Variants in SPATS1 observed in about 807,000 individuals in gnomAD.
The protein encoded by SPATS1 is spermatogenesis associated serine rich 1.
Under a neutral mutation model 33.6 loss-of-function variants are expected in SPATS1, and 23 were observed. The ratio of observed to expected loss-of-function variants is 0.68; its 90% CI spans 0.49 to 0.97. The LOEUF (loss-of-function observed/expected upper bound fraction) is 0.97, where lower values mean the gene tolerates loss of function less well. Ranked by LOEUF, SPATS1 falls within the 50% of genes least tolerant of loss-of-function variation. The pLI, the probability that SPATS1 is intolerant of heterozygous loss-of-function variation, is 0.00. For missense variants in SPATS1, 327 were observed against 361.0 expected, an observed-to-expected ratio of 0.91 and a Z score of 0.76; for synonymous variants, 131 against 125.6, an observed-to-expected ratio of 1.04 and a Z score of -0.29.
At chr6:44,346,817 C>A (rs895488346) in intron 2 of SPATS1, among the ~76,000 whole-genome samples, 3 of 152,110 alleles carry the variant, frequency 2.0e-5, no homozygotes, top group Non-Finnish European at 2.9e-5. Flanking sequence ...GACAGTGTGG[C>A]AATTCCTCAA....
chr6:44,352,711 A>G lies in SPATS1; in HGVS notation c.140-15A>G, dbSNP rs763191471. ...TTCAATAATGTAATTAAATGGTGAT[A>G]TCTCTGTGTTACAGGTGCTAATTGC... On this transcript the variant is annotated splice_polypyrimidine_tract_variant and intron_variant, in intron 2 of 8. Transcript: ENST00000674044. 9 of 1,611,988 alleles carry G rather than the reference A, an allele frequency of 5.6e-6. 1 individual carries two copies. In the South Asian group the frequency reaches 9.9e-5, roughly 18 times the overall value.
intron 6 of SPATS1, 77 bp from the exon 7 acceptor site, chr6:44,369,974 T>C: frequency 3.1e-6 from 3 of 962,576 alleles, no homozygotes. Flanking sequence ...CAGGACATTC[T>C]ATTGAATACA....
At chr6:44,351,240 C>T (rs1561954975) in intron 2 of SPATS1, among the ~76,000 whole-genome samples, 1 of 151,200 alleles carries the variant, frequency 6.6e-6, no homozygotes, top group East Asian at 1.9e-4. Flanking sequence ...TTAGGTATTA[C>T]AAGTAATCTA....
chr6:44,377,085 A>G lies in SPATS1; in HGVS notation c.*22A>G, dbSNP rs553320721. On this transcript the variant is annotated 3_prime_UTR_variant, in exon 9 of 9. Coordinates refer to ENST00000674044, the MANE Select transcript of SPATS1 (RefSeq NM_001372081.1). ...CTGAGCATAAACAGGCCCACAAAAC[A>G]TGTGCTGACTGCACTCTGGCGACCC... The G allele has an allele frequency of 1.9e-6, 3 of 1,614,078 alleles. No individual in the cohort carries two copies. The highest frequency in any genetic ancestry group is 3.3e-5 in the Admixed American group (2 of 60,010).
chr6:44,357,607 C>G (rs1788670014), intron 3 of SPATS1, among the ~76,000 whole-genome samples: 1 of 152,264 alleles, frequency 6.6e-6, no homozygotes, highest in East Asian at 1.9e-4. Flanking sequence ...GTCTTGAACT[C>G]CTGACCTCAG....
intron 4 of SPATS1, 135 bp downstream of exon 4, chr6:44,360,705 C>T (rs1013014604): frequency 9.1e-7 from 1 of 1,104,792 alleles, no homozygotes; most frequent in Non-Finnish European, 1.3e-6. Context: ...TTCACAAAAC[C>T]TCTGCCAGGA....
intron 7 of SPATS1, among the ~76,000 whole-genome samples, chr6:44,373,825 T>A (rs1240610581): frequency 1.3e-5 from 2 of 152,212 alleles, no homozygotes; most frequent in East Asian, 3.8e-4. Flanking sequence ...TCAGCAGACA[T>A]CCTTTGAGTA....
At chr6:44,370,982 T>TTG (rs1230299142) in intron 7 of SPATS1, among the ~76,000 whole-genome samples, 3 of 151,588 alleles carry the variant, frequency 2.0e-5, no homozygotes, top group East Asian at 1.9e-4. Context: ...AAGAAAGGTT[T>TTG]TTTTTTTTTT....
At chr6:44,360,005 A>G (rs999883865) in intron 3 of SPATS1, among the ~76,000 whole-genome samples, 2 of 152,236 alleles carry the variant, frequency 1.3e-5, no homozygotes, top group African/African-American at 2.4e-5. Context: ...TGCAAAGAAC[A>G]TTCACATGCA....
chr6:44,360,876 G>A (rs1214897311), intron 4 of SPATS1, among the ~76,000 whole-genome samples: 2 of 151,966 alleles, frequency 1.3e-5, no homozygotes, highest in Admixed American at 6.6e-5. Flanking sequence ...GTGAAGAGTC[G>A]ATATATATTT....
chr6:44,379,316 C>T lies in SPATS1; in HGVS notation c.*2253C>T, dbSNP rs868770697. 1.1e-4 allele frequency among the ~76,000 whole-genome samples: 16 copies of T among 151,904 alleles called. No individual in the cohort carries two copies. The highest frequency in any genetic ancestry group is 2.1e-4 in the Non-Finnish European group (14 of 67,964). On this transcript the variant is annotated 3_prime_UTR_variant, in exon 9 of 9. Transcript: ENST00000674044. ...ATATTAAGGAAAACAACCGGCTGGG[C>T]GTGGTGGCTCACGCCTGTAATCCCA...
chr6:44,360,623 G>A, intron 4 of SPATS1, 53 bp downstream of exon 4: 6 of 1,606,740 alleles, frequency 3.7e-6, no homozygotes, highest in Non-Finnish European at 5.1e-6. Flanking sequence ...CTTTTCAGAA[G>A]TCTGCCATAC....
rs1270865390 is a variant in SPATS1, at chr6:44,368,502, A to G, written c.695+3A>G. 6.2e-7 allele frequency: 1 copy of G among 1,610,588 alleles called. No homozygotes were observed. The stretch of plus-strand genomic sequence containing the variant: ...CTCCCACCAGTGAATTTTTCAATGT[A>G]AGTGTATGTTAATACTAGCATTATA... On this transcript the variant is annotated splice_donor_region_variant and intron_variant, in intron 6 of 8. Coordinates refer to ENST00000674044, the MANE Select transcript of SPATS1 (RefSeq NM_001372081.1).
At chr6:44,359,929 G>A (rs1265553798) in intron 3 of SPATS1, among the ~76,000 whole-genome samples, 6 of 152,092 alleles carry the variant, frequency 3.9e-5, no homozygotes, top group Admixed American at 3.3e-4. Flanking sequence ...ACCACATTTT[G>A]CTTATCCATT....
intron 7 of SPATS1, among the ~76,000 whole-genome samples, chr6:44,371,547 A>T (rs941907546): frequency 6.6e-6 from 1 of 152,132 alleles, no homozygotes; most frequent in Non-Finnish European, 1.5e-5. Context: ...GTGATTATGT[A>T]TTTCGATCTT....
rs1788321756 is a variant in SPATS1, at chr6:44,352,819, C to T, written c.233C>T (p.Thr78Ile). 6.2e-7 allele frequency: 1 copy of T among 1,614,020 alleles called. No homozygotes were observed. Among genetic ancestry groups the T allele is most frequent in the Admixed American group, 1.7e-5 (1 of 59,990 alleles). The change falls in exon 3 of 9, where the codon ACA (threonine) becomes ATA (isoleucine). Residue 78 changes from threonine (T) to isoleucine (I), a missense_variant. By Grantham distance (89) the Thr-to-Ile change is moderately conservative (BLOSUM62 -1). Coordinates refer to ENST00000674044, the MANE Select transcript of SPATS1 (RefSeq NM_001372081.1). Reference sequence around the variant, plus strand: ...GTCAGTTCCTCATCTTCTGTGGAAACAGGCCCAAGTGTCAGTGAGCCTCCT... The same window carrying T: ...GTCAGTTCCTCATCTTCTGTGGAAATAGGCCCAAGTGTCAGTGAGCCTCCT... ...KSVSSSSSVE[T>I]GPSVSEPPGL...
In SPATS1 at chr6:44,379,698, A is replaced by G. The variant is rs1790118007; in HGVS notation, c.*2635A>G. 6.6e-6 allele frequency among the ~76,000 whole-genome samples: 1 copy of G among 151,408 alleles called. No individual in the cohort carries two copies. On this transcript the variant is annotated 3_prime_UTR_variant, in exon 9 of 9. Transcript: ENST00000674044. The stretch of plus-strand genomic sequence containing the variant: ...GTTTGGAGTAGTCTCTAGGTTTCAA[A>G]GAGGTCTATATAATTCCTAGGTGCT...
At chr6:44,365,700 G>A (rs1343202801) in intron 5 of SPATS1, among the ~76,000 whole-genome samples, 1 of 152,160 alleles carries the variant, frequency 6.6e-6, no homozygotes, top group African/African-American at 2.4e-5. Context: ...TAAACGCATC[G>A]GGGCACTGAA....
intron 3 of SPATS1, among the ~76,000 whole-genome samples, chr6:44,356,858 CAAAG>C (rs1788617862): frequency 6.6e-6 from 1 of 152,162 alleles, no homozygotes; most frequent in African/African-American, 2.4e-5. Flanking sequence ...AGCCTATACT[CAAAG>C]AGAGAAGATT....
Sources: gnomAD v4.1 joint callset for allele counts (sites outside exome capture counted in the v4.1 genomes callset) on GRCh38, gnomAD v4.1.1 for gene constraint, MANE v1.5 for transcripts, NCBI Gene and HGNC (gene_info 2026-07-23, HGNC 2026-07-21) for gene names.